The following RIMBP2 variants were observed in gnomAD, a reference collection of about 807,000 sequenced individuals.
RIMBP2 encodes RIMS-binding protein 2.
RIMBP2 carries 48 observed loss-of-function variants against 118.6 expected under a neutral mutation model. That is an observed-to-expected ratio of 0.40 (90% confidence interval 0.32 to 0.51). The LOEUF is 0.51. Among genes scored for constraint, RIMBP2 ranks in the 20% least tolerant of loss-of-function variants. RIMBP2 has a pLI of 0.41. For synonymous variants in RIMBP2, 762 were observed against 742.9 expected, an observed-to-expected ratio of 1.03 and a Z score of -0.42; for missense variants, 1,551 against 1,768.3, an observed-to-expected ratio of 0.88 and a Z score of 2.20.
intron 1 of RIMBP2, among the ~76,000 whole-genome samples, chr12:130,636,139 C>A (rs1332083506): frequency 3.3e-5 from 5 of 152,182 alleles, no homozygotes; most frequent in African/African-American, 4.8e-5. Context: ...CTCGGCCAGA[C>A]CTCACACTCG....
chr12:130,452,003 C>T (rs1245445875), intron 7 of RIMBP2, among the ~76,000 whole-genome samples: 6 of 152,216 alleles, frequency 3.9e-5, no homozygotes, highest in Non-Finnish European at 8.8e-5. Context: ...CTCCTGGGGT[C>T]TCAGGGGCTG....
At chr12:130,407,635 A>G (rs1368348659) in intron 20 of RIMBP2, 91 bp downstream of exon 20, 6 of 970,432 alleles carry the variant, frequency 6.2e-6, no homozygotes, top group Non-Finnish European at 1.0e-5. Context: ...AGGAATGAGG[A>G]GGTGAACACA....
chr12:130,629,513 T>C (rs11061044), intron 1 of RIMBP2, among the ~76,000 whole-genome samples: 36,371 of 152,052 alleles, frequency 0.24, 5,105 homozygotes, highest in African/African-American at 0.39. Context: ...GACTGAAGTT[T>C]ATTTTCTAGA....
chr12:130,605,600 A>C (rs1430044101), intron 2 of RIMBP2, among the ~76,000 whole-genome samples: 1 of 152,228 alleles, frequency 6.6e-6, no homozygotes. Flanking sequence ...AGTAGTAATA[A>C]AGTGACAATA....
At chr12:130,457,265 C>T (rs1156507782) in intron 6 of RIMBP2, among the ~76,000 whole-genome samples, 1 of 152,160 alleles carries the variant, frequency 6.6e-6, no homozygotes, top group Non-Finnish European at 1.5e-5. Flanking sequence ...TAAGGACTCT[C>T]TATCTGCTAT....
At chr12:130,411,813 A>G (rs947789631) in intron 19 of RIMBP2, among the ~76,000 whole-genome samples, 1 of 151,488 alleles carries the variant, frequency 6.6e-6, no homozygotes, top group Non-Finnish European at 1.5e-5. Flanking sequence ...CAATGCGTTT[A>G]TTAATGCCAA....
At chr12:130,624,231 C>A (rs955377012) in intron 2 of RIMBP2, among the ~76,000 whole-genome samples, 2 of 152,144 alleles carry the variant, frequency 1.3e-5, no homozygotes, top group Non-Finnish European at 2.9e-5. Context: ...AAAGCACATA[C>A]AAAATTATAG....
At chr12:130,418,340 T>G (rs958499607) in intron 17 of RIMBP2, among the ~76,000 whole-genome samples, 4 of 152,188 alleles carry the variant, frequency 2.6e-5, no homozygotes, top group African/African-American at 4.8e-5. Flanking sequence ...CTGACTTTTT[T>G]CTAGTTTCAA....
intron 2 of RIMBP2, among the ~76,000 whole-genome samples, chr12:130,619,548 T>G (rs1282305151): frequency 6.6e-6 from 1 of 152,166 alleles, no homozygotes; most frequent in Admixed American, 6.5e-5. Flanking sequence ...AAAGTCCCAG[T>G]TCTGTATTAA....
In RIMBP2 at chr12:130,534,740, C is replaced by T. The variant is rs183707337; in HGVS notation, c.-216-16823G>A. ...CACATGGTGGTGATTTCAGAGATTC[C>T]GGCAGGTATCACTTCCATGAGAGTC... On this transcript the variant is annotated intron_variant, in intron 2 of 22. Coordinates refer to ENST00000690449, the MANE Select transcript of RIMBP2 (RefSeq NM_001393629.1). Among the ~76,000 whole-genome samples the T allele has an allele frequency of 1.1e-4, 17 of 152,280 alleles. No individual in the cohort carries two copies. In the South Asian group the frequency reaches 1.2e-3, roughly 11 times the overall value.
chr12:130,572,623 T>C (rs1243911769), intron 2 of RIMBP2, among the ~76,000 whole-genome samples: 1 of 151,788 alleles, frequency 6.6e-6, no homozygotes, highest in Admixed American at 6.6e-5. Flanking sequence ...TGATGTGCTG[T>C]TATAGAAAGC....
chr12:130,550,739 C>A (rs560524050), intron 2 of RIMBP2, among the ~76,000 whole-genome samples: 102 of 152,348 alleles, frequency 6.7e-4, no homozygotes, highest in Non-Finnish European at 1.1e-3. Context: ...TTTCTTATTA[C>A]ACTTGAGGTG....
intron 11 of RIMBP2, among the ~76,000 whole-genome samples, chr12:130,440,185 G>C (rs2078002709): frequency 8.6e-6 from 1 of 116,038 alleles, no homozygotes; most frequent in Admixed American, 8.6e-5. Flanking sequence ...ACCGTCCCCG[G>C]GCATGGCTAA....
intron 2 of RIMBP2, among the ~76,000 whole-genome samples, chr12:130,615,430 C>A (rs750742064): frequency 6.6e-5 from 10 of 151,740 alleles, no homozygotes; most frequent in Non-Finnish European, 1.5e-4. Flanking sequence ...CCCATCTCAG[C>A]CTCCAGAGTA....
At chr12:130,487,284 T>C (rs1278426549) in intron 4 of RIMBP2, among the ~76,000 whole-genome samples, 1 of 152,154 alleles carries the variant, frequency 6.6e-6, no homozygotes, top group Non-Finnish European at 1.5e-5. Flanking sequence ...ATGTGACCCC[T>C]GTGTTGGAGG....
intron 2 of RIMBP2, among the ~76,000 whole-genome samples, chr12:130,577,616 G>A (rs975762887): frequency 5.3e-5 from 8 of 152,100 alleles, no homozygotes; most frequent in African/African-American, 1.4e-4. Context: ...CTCCCACCAG[G>A]TCCCTCCCTT....
Position 130,437,337 on chromosome 12 carries a change from C to T in RIMBP2, c.1657-46G>A, listed in dbSNP as rs199583434. ...CTCGCGGGCTGCCCGAGGTGAGCCC[C>T]GCGGTCCTGCAATGGGGAGCCGACC... On this transcript the variant is annotated intron_variant, in intron 12 of 22. Coordinates refer to ENST00000690449, the MANE Select transcript of RIMBP2 (RefSeq NM_001393629.1). 45 of 1,491,804 alleles carry T rather than the reference C, an allele frequency of 3.0e-5. No homozygotes were observed. The East Asian group carries it at 4.1e-4, about 14-fold the overall frequency. 92.4% of individuals were successfully genotyped at this position (1,491,804 alleles called of 1,614,324 possible).
chr12:130,705,713 C>A (rs2066079341), intron 1 of RIMBP2, among the ~76,000 whole-genome samples: 2 of 152,352 alleles, frequency 1.3e-5, no homozygotes, highest in Non-Finnish European at 1.5e-5. Context: ...TGCTGCAGGG[C>A]CACAGGCGCC....
intron 6 of RIMBP2, among the ~76,000 whole-genome samples, chr12:130,457,122 T>C (rs144306565): frequency 1.4e-4 from 22 of 152,316 alleles, no homozygotes; most frequent in African/African-American, 5.1e-4. Flanking sequence ...ACTTGGAGTA[T>C]GAGGCTGTGA....
Sources: gnomAD v4.1 joint callset for allele counts (sites outside exome capture counted in the v4.1 genomes callset) on GRCh38, gnomAD v4.1.1 for gene constraint, MANE v1.5 for transcripts, NCBI Gene and HGNC (gene_info 2026-07-23, HGNC 2026-07-21) for gene names.